RBFOX3: variants seen among roughly 807,000 people sequenced by gnomAD.
The protein encoded by RBFOX3 is RNA binding fox-1 homolog 3.
Under a neutral mutation model 48.7 loss-of-function variants are expected in RBFOX3, and 17 were observed. The ratio of observed to expected loss-of-function variants is 0.35; its 90% CI spans 0.24 to 0.52. The LOEUF (loss-of-function observed/expected upper bound fraction) is 0.52, where lower values mean the gene tolerates loss of function less well. Among genes scored for constraint, RBFOX3 ranks in the 20% least tolerant of loss-of-function variants. RBFOX3 has a pLI of 0.94. For synonymous variants in RBFOX3, 212 were observed against 209.5 expected (o/e 1.01, Z -0.10); for missense variants, 382 against 497.5 (o/e 0.77, Z 2.21).
chr17:79,442,264 A>G (rs1358906285), intron 2 of RBFOX3, among the ~76,000 whole-genome samples: 103 of 6,420 alleles, frequency 0.016, 4 homozygotes, highest in East Asian at 0.038. Context: ...AGAGAGAGAG[A>G]GAGAGAGAGA....
intron 4 of RBFOX3, among the ~76,000 whole-genome samples, chr17:79,197,384 CTTTCT>C (rs779567823): frequency 2.7e-4 from 31 of 115,414 alleles, no homozygotes; most frequent in South Asian, 1.0e-3. Context: ...TTCTTTCTTT[CTTTCT>C]TTTTTTTTTT....
At chr17:79,171,476 C>T (rs1403435946) in intron 4 of RBFOX3, among the ~76,000 whole-genome samples, 2 of 152,142 alleles carry the variant, frequency 1.3e-5, no homozygotes, top group East Asian at 3.9e-4. Flanking sequence ...CTAACACAGA[C>T]AACACGTAAA....
chr17:79,304,718 C>A (rs1333389322), intron 3 of RBFOX3, among the ~76,000 whole-genome samples: 4 of 152,100 alleles, frequency 2.6e-5, no homozygotes, highest in African/African-American at 7.2e-5. Flanking sequence ...CCCTTCTAAC[C>A]CCAGGGGAGA....
intron 1 of RBFOX3, among the ~76,000 whole-genome samples, chr17:79,585,374 G>C (rs1186462772): frequency 1.3e-5 from 2 of 151,814 alleles, no homozygotes; most frequent in Non-Finnish European, 2.9e-5. Context: ...TGGCCAACAT[G>C]GTGAAACCCC....
chr17:79,620,272 C>T, the RBFOX3 span, among the ~76,000 whole-genome samples: 96 of 151,030 alleles, frequency 6.4e-4, no homozygotes, highest in Middle Eastern at 3.5e-3. Flanking sequence ...CACGTGCACA[C>T]ATACGCATAT....
chr17:79,442,362 G>GA (rs1286184192), intron 2 of RBFOX3, among the ~76,000 whole-genome samples: 2 of 7,446 alleles, frequency 2.7e-4, no homozygotes, highest in African/African-American at 1.7e-3. Flanking sequence ...GAAGAGGGGG[G>GA]GAGAGAGAGA....
chr17:79,432,967 C>T (rs2068735958), intron 2 of RBFOX3, among the ~76,000 whole-genome samples: 1 of 152,230 alleles, frequency 6.6e-6, no homozygotes, highest in Admixed American at 6.5e-5. Context: ...CCTCCCTCTT[C>T]TCTTGCTCCC....
At chr17:79,353,972 C>T (rs2084468209) in intron 2 of RBFOX3, among the ~76,000 whole-genome samples, 1 of 152,198 alleles carries the variant, frequency 6.6e-6, no homozygotes, top group South Asian at 2.1e-4. Context: ...CCTTTCACCA[C>T]CCGACTCTTA....
intron 1 of RBFOX3, among the ~76,000 whole-genome samples, chr17:79,494,358 G>A (rs1435357842): frequency 4.6e-5 from 7 of 152,124 alleles, no homozygotes; most frequent in Non-Finnish European, 7.4e-5. Context: ...CTTCCTCCCC[G>A]AGCTGTGAGG....
chr17:79,441,111 C>T (rs2070819393), intron 2 of RBFOX3, among the ~76,000 whole-genome samples: 1 of 152,212 alleles, frequency 6.6e-6, no homozygotes, highest in African/African-American at 2.4e-5. Flanking sequence ...CAACCAGAGA[C>T]ACAGCGGAAG....
At position 79,471,230 on chromosome 17, in the gene RBFOX3, A is replaced by T. The variant is rs2077020923; in HGVS notation, c.-175+11224T>A. 6.6e-6 allele frequency among the ~76,000 whole-genome samples: 1 copy of T among 152,158 alleles called. No homozygotes were observed. On this transcript the variant is annotated intron_variant, in intron 2 of 14. Transcript: ENST00000693108. The surrounding 1 kb of genome is among the most constrained non-coding windows in gnomAD (Gnocchi z 4.0). Reference sequence around the variant, plus strand: ...GAAGGGTCTCTCATGGGAAGCAGCCATCGTGGCTCTCAGCTCATGGAAAGC... The same window carrying T: ...GAAGGGTCTCTCATGGGAAGCAGCCTTCGTGGCTCTCAGCTCATGGAAAGC...
At chr17:79,307,555 G>T (rs2076262160) in intron 3 of RBFOX3, among the ~76,000 whole-genome samples, 169 bp downstream of exon 3, 2 of 152,202 alleles carry the variant, frequency 1.3e-5, no homozygotes, top group Non-Finnish European at 2.9e-5. Flanking sequence ...GAGGAGTTAG[G>T]GAACCCCATG....
At chr17:79,120,279 A>T (rs8075836) in intron 4 of RBFOX3, among the ~76,000 whole-genome samples, 136,651 of 152,216 alleles carry the variant, frequency 0.9, 61,605 homozygotes, top group Non-Finnish European at 0.94. Context: ...TCAGCGTACA[A>T]GAACGGGTGG....
intron 3 of RBFOX3, among the ~76,000 whole-genome samples, chr17:79,302,314 A>G: frequency 6.6e-6 from 1 of 152,192 alleles, no homozygotes. Flanking sequence ...TACACGATCC[A>G]GGATCACTCA....
intron 3 of RBFOX3, 123 bp downstream of exon 3, chr17:79,307,601 C>T (rs545294828): frequency 3.5e-4 from 54 of 153,928 alleles, no homozygotes; most frequent in African/African-American, 1.3e-3. Flanking sequence ...AAAGCTCCTC[C>T]TGCAGACACC....
chr17:79,110,198 T>C (rs1219742725), intron 5 of RBFOX3, among the ~76,000 whole-genome samples: 1 of 151,504 alleles, frequency 6.6e-6, no homozygotes, highest in Non-Finnish European at 1.5e-5. Context: ...AGGACAGGAC[T>C]GCCCTTCCCT....
intron 4 of RBFOX3, among the ~76,000 whole-genome samples, chr17:79,156,218 T>C (rs2045765869): frequency 6.6e-6 from 1 of 152,006 alleles, no homozygotes; most frequent in South Asian, 2.1e-4. Flanking sequence ...CCAAGAGAGG[T>C]CACCCAGAGA....
chr17:79,485,532 T>TG (rs2079446282), intron 1 of RBFOX3, among the ~76,000 whole-genome samples: 1 of 45,980 alleles, frequency 2.2e-5, no homozygotes. Context: ...CTGCTCTTGC[T>TG]CCTCCCCCAT....
intron 1 of RBFOX3, among the ~76,000 whole-genome samples, chr17:79,552,945 T>TA (rs1432876617): frequency 5.9e-5 from 9 of 152,186 alleles, no homozygotes; most frequent in African/African-American, 2.2e-4. Context: ...TTATATCATC[T>TA]AAAAAAGGGT....
Sources: gnomAD v4.1 joint callset for allele counts (sites outside exome capture counted in the v4.1 genomes callset) on GRCh38, gnomAD v4.1.1 for gene constraint, Gnocchi (gnomAD v3.1) non-coding constraint, MANE v1.5 for transcripts, NCBI Gene and HGNC (gene_info 2026-07-23, HGNC 2026-07-21) for gene names.